HMCN2: variants seen among roughly 807,000 people sequenced by gnomAD.
The protein encoded by HMCN2 is hemicentin 2, also known as hemicentin-2.
In HMCN2, 325 loss-of-function variants were observed where a neutral mutation model predicts 377.5. The observed-to-expected ratio is 0.86, with a 90% CI of 0.79 to 0.94. The LOEUF is 0.94. Among genes scored for constraint, HMCN2 ranks in the 40% least tolerant of loss-of-function variants. The pLI is 0.00. For missense variants in HMCN2, 4,543 were observed against 4,725.3 expected (o/e 0.96, Z 1.13); for synonymous variants, 2,007 against 2,046.8 (o/e 0.98, Z 0.53).
At chr9:130,370,819 G>A in intron 45 of HMCN2, 145 bp from the exon 46 acceptor site, 1 of 370,690 alleles carries the variant, frequency 2.7e-6, no homozygotes, top group Non-Finnish European at 3.7e-6. Flanking sequence ...CTCACTTTAG[G>A]GGGAGCAGCT....
Position 130,428,539 on chromosome 9 carries a change from G to A in HMCN2, c.14197+50G>A, listed in dbSNP as rs556775666. The A allele has an allele frequency of 3.3e-5, 50 of 1,531,020 alleles. 1 individual carries two copies. The South Asian group carries it at 4.2e-4, about 13-fold the overall frequency. 94.8% of individuals were successfully genotyped at this position (1,531,020 alleles called of 1,614,324 possible). A position where few individuals can be genotyped will look rare whatever the true frequency, so the allele number is the denominator to read the frequency against. On this transcript the variant is annotated intron_variant, in intron 93 of 97. Transcript: ENST00000683500. The surrounding 1 kb of genome is among the most constrained non-coding windows in gnomAD (Gnocchi z 5.0). ...TGTCCATACTCCTGGAAACCCAGAG[G>A]TTGCCAGGGATCAGCTGACAGGGGG...
chr9:130,415,614 G>A (rs1843642508), intron 85 of HMCN2, among the ~76,000 whole-genome samples: 1 of 152,222 alleles, frequency 6.6e-6, no homozygotes, highest in South Asian at 2.1e-4. Context: ...GAAAAAAACA[G>A]AAAATCTCAG....
intron 85 of HMCN2, among the ~76,000 whole-genome samples, chr9:130,411,867 A>G (rs1413934843): frequency 9.1e-6 from 1 of 109,626 alleles, no homozygotes; most frequent in South Asian, 3.7e-4. Flanking sequence ...AAGAGAAAAA[A>G]GTTCTGGAGA....
chr9:130,273,842 G>A (rs1834534528), intron 1 of HMCN2, among the ~76,000 whole-genome samples: 1 of 152,052 alleles, frequency 6.6e-6, no homozygotes, highest in Non-Finnish European at 1.5e-5. Context: ...GTATGATATT[G>A]ATTCTTGGTT....
At chr9:130,359,207 T>C (rs934613236) in intron 36 of HMCN2, 112 bp from the exon 37 acceptor site, 2 of 443,676 alleles carry the variant, frequency 4.5e-6, no homozygotes, top group Non-Finnish European at 7.9e-6. Flanking sequence ...TTTAGAGCCC[T>C]TAGTCTAGGA....
At chr9:130,381,510 A>C (rs1286731207) in intron 54 of HMCN2, among the ~76,000 whole-genome samples, 1 of 152,122 alleles carries the variant, frequency 6.6e-6, no homozygotes, top group Non-Finnish European at 1.5e-5. Flanking sequence ...CTAGGATTGC[A>C]GGTGTGCACC....
rs751070238 is a variant in HMCN2, at chr9:130,353,103, T to C, written c.4762T>C (p.Leu1588=). Residue 1588 remains leucine (L), a synonymous_variant, in exon 31 of 98, where the codon TTG becomes CTG. Coordinates refer to ENST00000683500, the MANE Select transcript of HMCN2 (RefSeq NM_001291815.2). ...GGTCTACACTAGGGGCGGTCGGCAGTTGCAGCTGGGGAGGGCCCAGAGCTC... is the reference window on the plus strand; with the variant it reads ...GGTCTACACTAGGGGCGGTCGGCAGCTGCAGCTGGGGAGGGCCCAGAGCTC... The part of the protein sequence containing the change: ...KVVYTRGGRQ[L]QLGRAQSSDA... The C allele has an allele frequency of 3.1e-5, 40 of 1,304,140 alleles. No homozygotes were observed. Among genetic ancestry groups the C allele is most frequent in the Non-Finnish European group, 3.9e-5 (39 of 988,950 alleles). 80.8% of individuals were successfully genotyped at this position (1,304,140 alleles called of 1,614,324 possible).
chr9:130,357,858 G>A lies in HMCN2; in HGVS notation c.5450G>A (p.Gly1817Glu). ...GAGTTCCCATCGGTCAGTATCATTG[G>A]GGGTGAGAACATCACAGCTCCTTTC... Reference protein sequence around the residue: ...VHEFPSVSIIGGENITAPFLQ... With the variant: ...VHEFPSVSIIEGENITAPFLQ... The change falls in exon 35 of 98, where the codon GGG (glycine) becomes GAG (glutamate). Residue 1817 changes from glycine to glutamate, a missense_variant. Around this residue, in one of 5 missense-constraint regions of HMCN2, gnomAD observed 1,032 missense variants for 1,285.1 expected, o/e 0.80. Transcript: ENST00000683500. The A allele has an allele frequency of 7.7e-7, 1 of 1,304,024 alleles. No individual in the cohort carries two copies. Among genetic ancestry groups the A allele is most frequent in the Non-Finnish European group, 1.0e-6 (1 of 988,828 alleles). 80.8% of individuals were successfully genotyped at this position (1,304,024 alleles called of 1,614,324 possible).
chr9:130,301,284 G>A (rs1194563158), intron 8 of HMCN2, among the ~76,000 whole-genome samples: 14 of 152,380 alleles, frequency 9.2e-5, no homozygotes, highest in African/African-American at 3.1e-4. Context: ...TTTCAGGAAG[G>A]AATTTCAGCA....
rs1839700796 is a variant in HMCN2, at chr9:130,351,300, C to T, written c.4431-123C>T. ...CGCTTACTGGGCCTTTGCATTGCTC[C>T]CACCTCTTGGCGCTAATGAATGGCC... On this transcript the variant is annotated intron_variant, in intron 29 of 97. Transcript: ENST00000683500. This position sits in a 1 kb window ranked among gnomAD's most constrained non-coding sequence, Gnocchi z 5.4. 3.1e-6 allele frequency: 2 copies of T among 655,558 alleles called. No homozygotes were observed. The highest frequency in any genetic ancestry group is 4.4e-6 in the Non-Finnish European group (2 of 456,154). The allele number at this position is 655,558 out of a possible 1,614,324, so 40.6% of individuals were successfully genotyped here.
At chr9:130,283,628 C>T (rs1308941171) in intron 1 of HMCN2, among the ~76,000 whole-genome samples, 1 of 152,156 alleles carries the variant, frequency 6.6e-6, no homozygotes, top group African/African-American at 2.4e-5. Flanking sequence ...TGTTTTTCTT[C>T]ACCTTAGATT....
intron 14 of HMCN2, among the ~76,000 whole-genome samples, chr9:130,307,954 A>G (rs1268965430): frequency 2.0e-5 from 3 of 151,838 alleles, no homozygotes; most frequent in Non-Finnish European, 4.4e-5. Flanking sequence ...TTTTTGTTTT[A>G]TTTATTGTTT....
intron 15 of HMCN2, among the ~76,000 whole-genome samples, chr9:130,318,867 A>C (rs1304899915): frequency 6.6e-6 from 1 of 152,220 alleles, no homozygotes; most frequent in Non-Finnish European, 1.5e-5. Flanking sequence ...GGCAAGCTCT[A>C]GAGAAGAGGG....
At chr9:130,283,697 G>C (rs138741013) in intron 1 of HMCN2, among the ~76,000 whole-genome samples, 1 of 152,100 alleles carries the variant, frequency 6.6e-6, no homozygotes, top group African/African-American at 2.4e-5. Flanking sequence ...GCTGTTTTGC[G>C]TCTGGCTTCT....
chr9:130,419,021 G>T lies in HMCN2; in HGVS notation c.13211G>T (p.Arg4404Leu). Residue 4404 changes from arginine to leucine, a missense_variant, in exon 86 of 98, where the codon CGG becomes CTG. Physicochemically the swap from Arg to Leu is moderately radical, Grantham distance 102 (BLOSUM62 -2). Transcript: ENST00000683500. Reference protein sequence around the residue: ...AHNLLGSATARAFLVVRGEPQ... With the variant: ...AHNLLGSATALAFLVVRGEPQ... ...AACCTCCTGGGCTCTGCCACAGCCC[G>T]GGCGTTCCTGGTCGTGAGAGGTATG... The T allele has an allele frequency of 6.7e-7, 1 of 1,490,390 alleles. No homozygotes were observed. The highest frequency in any genetic ancestry group is 9.0e-7 in the Non-Finnish European group (1 of 1,115,536). 92.3% of individuals were successfully genotyped at this position (1,490,390 alleles called of 1,614,324 possible).
intron 4 of HMCN2, among the ~76,000 whole-genome samples, chr9:130,290,527 G>C (rs925338611): frequency 6.6e-6 from 1 of 152,194 alleles, no homozygotes; most frequent in Non-Finnish European, 1.5e-5. Flanking sequence ...GGCCTGGCCC[G>C]GGGGAAGGGG....
intron 62 of HMCN2, among the ~76,000 whole-genome samples, chr9:130,388,770 T>C (rs1355344066): frequency 1.9e-4 from 29 of 151,910 alleles, no homozygotes; most frequent in Admixed American, 1.9e-3. Context: ...GGAAGCTCCT[T>C]TGCATCCACG....
chr9:130,324,156 A>C (rs1170692451), intron 19 of HMCN2, among the ~76,000 whole-genome samples: 1 of 152,196 alleles, frequency 6.6e-6, no homozygotes, highest in African/African-American at 2.4e-5. Context: ...CTCTGTCCTC[A>C]TTAAACATTA....
At chr9:130,286,977 A>T (rs1835447611) in intron 4 of HMCN2, among the ~76,000 whole-genome samples, 1 of 152,132 alleles carries the variant, frequency 6.6e-6, no homozygotes, top group Admixed American at 6.5e-5. Context: ...CGCTCCCAGG[A>T]GCACAGGATC....
Sources: gnomAD v4.1 joint callset for allele counts (sites outside exome capture counted in the v4.1 genomes callset) on GRCh38, gnomAD v4.1.1 for gene constraint, gnomAD v4.1.1 regional missense constraint, Gnocchi (gnomAD v3.1) non-coding constraint, MANE v1.5 for transcripts, NCBI Gene and HGNC (gene_info 2026-07-23, HGNC 2026-07-21) for gene names.